ENTREP2: variants seen among roughly 807,000 people sequenced by gnomAD.
ENTREP2 encodes the protein endosomal transmembrane epsin interactor 2, also known as protein ENTREP2.
At chr15:29,420,685 T>C in the ENTREP2 span, among the ~76,000 whole-genome samples, 1 of 152,166 alleles carries the variant, frequency 6.6e-6, no homozygotes, top group Non-Finnish European at 1.5e-5. Context: ...GTGGCCACCT[T>C]TGGCCTCTAT....
At chr15:29,659,266 C>T in the ENTREP2 span, among the ~76,000 whole-genome samples, 69 of 152,210 alleles carry the variant, frequency 4.5e-4, no homozygotes, top group South Asian at 1.5e-3. Context: ...GTCAGGAGAT[C>T]GAGGCCATCC....
At chr15:29,421,905 C>T in the ENTREP2 span, among the ~76,000 whole-genome samples, 1 of 152,146 alleles carries the variant, frequency 6.6e-6, no homozygotes, top group Non-Finnish European at 1.5e-5. Context: ...GACTCTAAGT[C>T]CTGGACAGCA....
chr15:29,438,604 C>A, the ENTREP2 span, among the ~76,000 whole-genome samples: 2 of 152,022 alleles, frequency 1.3e-5, no homozygotes, highest in Non-Finnish European at 2.9e-5. Flanking sequence ...ACCATCCAAC[C>A]CGGCCCCTGT....
At chr15:29,628,778 C>T in the ENTREP2 span, among the ~76,000 whole-genome samples, 5 of 152,076 alleles carry the variant, frequency 3.3e-5, no homozygotes, top group African/African-American at 1.2e-4. Context: ...AAGACAGATC[C>T]TCACTCTGTC....
the ENTREP2 span, chr15:29,124,710 A>T: frequency 6.4e-7 from 1 of 1,550,762 alleles, no homozygotes; most frequent in Non-Finnish European, 8.7e-7. Flanking sequence ...AGCCTCAGAC[A>T]GTCCCGCTTC....
the ENTREP2 span, among the ~76,000 whole-genome samples, chr15:29,335,913 G>A: frequency 2.0e-5 from 3 of 151,934 alleles, no homozygotes; most frequent in African/African-American, 4.8e-5. Flanking sequence ...AGGCCGAGGC[G>A]GGTGGATCAC....
At chr15:29,466,647 G>A in the ENTREP2 span, among the ~76,000 whole-genome samples, 64 of 137,490 alleles carry the variant, frequency 4.7e-4, no homozygotes, top group African/African-American at 1.7e-3. Context: ...CCCCAGGGGA[G>A]GGCCCAGGGG....
At chr15:29,310,203 G>A in the ENTREP2 span, among the ~76,000 whole-genome samples, 1 of 152,216 alleles carries the variant, frequency 6.6e-6, no homozygotes, top group Non-Finnish European at 1.5e-5. Context: ...ACCTATGTGA[G>A]CACAGGTGAG....
the ENTREP2 span, among the ~76,000 whole-genome samples, chr15:29,442,843 A>G: frequency 9.9e-5 from 15 of 152,034 alleles, no homozygotes; most frequent in East Asian, 2.7e-3. Flanking sequence ...TCCATACTTT[A>G]CCCTCCCCAA....
chr15:29,417,634 A>C, the ENTREP2 span, among the ~76,000 whole-genome samples: 131 of 152,088 alleles, frequency 8.6e-4, 1 homozygote, highest in African/African-American at 3.1e-3. Context: ...CCTAAAACTT[A>C]AAGTATAATA....
At chr15:29,255,979 C>T in the ENTREP2 span, among the ~76,000 whole-genome samples, 3 of 132,788 alleles carry the variant, frequency 2.3e-5, no homozygotes, top group Non-Finnish European at 3.1e-5. Context: ...CCAGCCTGAG[C>T]GACAGAGCGA....
chr15:29,261,478 G>A, the ENTREP2 span, among the ~76,000 whole-genome samples: 3,581 of 152,326 alleles, frequency 0.024, 160 homozygotes, highest in African/African-American at 0.082. Flanking sequence ...TGCTTCTACT[G>A]CACTCTAGCC....
chr15:29,190,567 T>C, the ENTREP2 span, among the ~76,000 whole-genome samples: 1 of 152,112 alleles, frequency 6.6e-6, no homozygotes, highest in Non-Finnish European at 1.5e-5. Context: ...GGGCTGTGCC[T>C]GTACAGCCTT....
At chr15:29,627,232 G>A in the ENTREP2 span, among the ~76,000 whole-genome samples, 4 of 152,050 alleles carry the variant, frequency 2.6e-5, no homozygotes, top group Admixed American at 2.0e-4. Context: ...ATACAATTCA[G>A]TGGTATTAGT....
chr15:29,278,763 A>C, the ENTREP2 span, among the ~76,000 whole-genome samples: 1 of 152,246 alleles, frequency 6.6e-6, no homozygotes, highest in Non-Finnish European at 1.5e-5. Flanking sequence ...CCACAGATGT[A>C]AGAATTTATT....
the ENTREP2 span, among the ~76,000 whole-genome samples, chr15:29,473,979 A>T: frequency 3.9e-5 from 6 of 152,222 alleles, no homozygotes; most frequent in African/African-American, 1.4e-4. Context: ...CCTGGAAGAC[A>T]GCACTGAACC....
chr15:29,460,475 T>C, the ENTREP2 span, among the ~76,000 whole-genome samples: 11 of 151,818 alleles, frequency 7.2e-5, no homozygotes, highest in Non-Finnish European at 1.6e-4. Flanking sequence ...CTACTAAAAA[T>C]ACAAAAATTA....
At chr15:29,378,954 A>G in the ENTREP2 span, among the ~76,000 whole-genome samples, 2 of 152,198 alleles carry the variant, frequency 1.3e-5, no homozygotes, top group East Asian at 3.9e-4. Context: ...GGCTATCTCA[A>G]TGGTCATGAT....
At chr15:29,265,336 A>T in the ENTREP2 span, 3 of 152,372 alleles carry the variant, frequency 2.0e-5, no homozygotes, top group East Asian at 5.8e-4. Context: ...GAAGACAGGC[A>T]TATGATGCTA....
Sources: gnomAD v4.1 joint callset for allele counts (sites outside exome capture counted in the v4.1 genomes callset) on GRCh38, gnomAD v4.1.1 for gene constraint, MANE v1.5 for transcripts, NCBI Gene and HGNC (gene_info 2026-07-23, HGNC 2026-07-21) for gene names.